TNS1: variants seen among roughly 807,000 people sequenced by gnomAD.
TNS1 encodes the protein tensin 1, also known as tensin-1.
In TNS1, 62 loss-of-function variants were observed where a neutral mutation model predicts 168.6. The ratio of observed to expected loss-of-function variants is 0.37; its 90% CI spans 0.30 to 0.45. TNS1 has a LOEUF of 0.45. Among genes scored for constraint, TNS1 ranks in the 20% least tolerant of loss-of-function variants. TNS1 has a pLI of 1.00. For missense variants in TNS1, 2,240 were observed against 2,339.4 expected (o/e 0.96, Z 0.88); for synonymous variants, 934 against 933.2 (o/e 1.00, Z -0.02).
At chr2:217,879,306 C>T (rs1459898111) in intron 18 of TNS1, 1 of 360,454 alleles carries the variant, frequency 2.8e-6, no homozygotes, top group Non-Finnish European at 5.5e-6. Flanking sequence ...TTCCAATTGC[C>T]AAATGTTCTT....
chr2:217,928,298 G>C (rs989589695), intron 3 of TNS1, among the ~76,000 whole-genome samples: 1 of 152,224 alleles, frequency 6.6e-6, no homozygotes, highest in Non-Finnish European at 1.5e-5. Context: ...CCCTCAGGAG[G>C]AGGGATCCTG....
Position 218,022,792 on chromosome 2 carries a change from TA to T in TNS1, c.156+11027del, listed in dbSNP as rs1407164088. On this transcript the variant is annotated intron_variant, in intron 1 of 1. Coordinates refer to the TNS1 transcript ENST00000649572. ...GGGGCAGCAGGCAAGGGTGGGGGGT[TA>T]GGGGTGGCAGAGATGGGGGATGGGA... 2.8e-3 allele frequency among the ~76,000 whole-genome samples: 180 copies of T among 64,796 alleles called. 1 individual carries two copies. Among genetic ancestry groups the T allele is most frequent in the African/African-American group, 0.011 (169 of 15,938 alleles). 42.5% of individuals were successfully genotyped at this position (64,796 alleles called of 152,430 possible). A position where few individuals can be genotyped will look rare whatever the true frequency, so the allele number is the denominator to read the frequency against.
chr2:218,031,251 TGA>T lies in TNS1; in HGVS notation c.156+2567_156+2568del, dbSNP rs1427329828. On this transcript the variant is annotated intron_variant, in intron 1 of 1. Coordinates refer to the TNS1 transcript ENST00000649572. Reference sequence around the variant, plus strand: ...GTGAGTGTGTGAGCATGTCTGTGTGTGAGTGTATGAGTGTGTTGTGTGTGAGC... The same window carrying T: ...GTGAGTGTGTGAGCATGTCTGTGTGTGTGTATGAGTGTGTTGTGTGTGAGC... 1.8e-4 allele frequency among the ~76,000 whole-genome samples: 23 copies of T among 128,200 alleles called. 1 individual carries two copies. Among genetic ancestry groups the T allele is most frequent in the African/African-American group, 2.5e-4 (6 of 24,174 alleles). The allele number at this position is 128,200 out of a possible 152,430, so 84.1% of individuals were successfully genotyped here. A position where few individuals can be genotyped will look rare whatever the true frequency, so the allele number is the denominator to read the frequency against.
At chr2:217,823,270 G>A (rs1943150769) in intron 22 of TNS1, among the ~76,000 whole-genome samples, 1 of 152,182 alleles carries the variant, frequency 6.6e-6, no homozygotes, top group Non-Finnish European at 1.5e-5. Context: ...TGGTGTGAGA[G>A]CTTACATAGA....
intron 2 of TNS1, among the ~76,000 whole-genome samples, chr2:217,981,829 C>T (rs948807763): frequency 6.6e-6 from 1 of 152,172 alleles, no homozygotes; most frequent in Non-Finnish European, 1.5e-5. Flanking sequence ...CAAGTTTGGG[C>T]CTGTCAATCT....
chr2:217,804,624 C>CG, intron 32 of TNS1, 21 bp from the exon 33 acceptor site: 1 of 1,613,502 alleles, frequency 6.2e-7, no homozygotes, highest in Non-Finnish European at 8.5e-7. Context: ...GAGAGGGCAA[C>CG]GGGCATGAGG....
At chr2:217,870,045 T>C (rs765664319) in intron 18 of TNS1, among the ~76,000 whole-genome samples, 1 of 152,232 alleles carries the variant, frequency 6.6e-6, no homozygotes, top group Non-Finnish European at 1.5e-5. Context: ...TCTCGTTCCT[T>C]TTACTTTCCA....
At chr2:217,850,651 A>C in intron 18 of TNS1, 1 of 965,226 alleles carries the variant, frequency 1.0e-6, no homozygotes, top group Non-Finnish European at 1.2e-6. Flanking sequence ...CCTTACTCTA[A>C]TCCAGGCTCT....
At chr2:217,961,065 C>G (rs149371038) in intron 3 of TNS1, among the ~76,000 whole-genome samples, 15 of 152,192 alleles carry the variant, frequency 9.9e-5, no homozygotes, top group Non-Finnish European at 1.3e-4. Flanking sequence ...GCTTCCATGT[C>G]TCCCTCCCAA....
intron 6 of TNS1, among the ~76,000 whole-genome samples, chr2:217,902,218 T>C (rs1393134530): frequency 2.0e-5 from 3 of 152,148 alleles, no homozygotes; most frequent in African/African-American, 7.2e-5. Flanking sequence ...TCCATTTCAC[T>C]GGTCCCTAAT....
At chr2:217,841,348 T>A (rs1260484908) in intron 19 of TNS1, 3 of 908,830 alleles carry the variant, frequency 3.3e-6, no homozygotes, top group Non-Finnish European at 3.9e-6. Context: ...AGGGAGGATA[T>A]GGGGCAAGGC....
intron 3 of TNS1, among the ~76,000 whole-genome samples, chr2:217,974,370 A>G (rs1957841586): frequency 6.6e-6 from 1 of 152,190 alleles, no homozygotes; most frequent in Non-Finnish European, 1.5e-5. Context: ...TTTTGCTGCT[A>G]CTTCTTTCCT....
intron 21 of TNS1, 25 bp from the exon 22 acceptor site, chr2:217,831,572 C>T: frequency 1.4e-6 from 2 of 1,453,844 alleles, no homozygotes; most frequent in Non-Finnish European, 1.8e-6. Context: ...AGAGGGGAGA[C>T]ACAGGGAGTG....
upstream of TNS1, among the ~76,000 whole-genome samples, chr2:218,006,934 C>T (rs1958663416): frequency 1.3e-5 from 2 of 152,140 alleles, no homozygotes; most frequent in Admixed American, 1.3e-4. Context: ...CACACTGCGT[C>T]AAGAAAGGTG....
chr2:217,931,050 G>C (rs888066095), intron 3 of TNS1, among the ~76,000 whole-genome samples: 1 of 152,208 alleles, frequency 6.6e-6, no homozygotes, highest in Non-Finnish European at 1.5e-5. Flanking sequence ...TGCCCACTGA[G>C]TGCCCCTCCA....
intron 3 of TNS1, among the ~76,000 whole-genome samples, chr2:217,961,594 A>G (rs1957498126): frequency 6.6e-6 from 1 of 152,210 alleles, no homozygotes; most frequent in South Asian, 2.1e-4. Flanking sequence ...AGGGATTTGC[A>G]CAAACCCTCA....
intron 18 of TNS1, among the ~76,000 whole-genome samples, chr2:217,856,660 G>A (rs1333965253): frequency 6.6e-6 from 1 of 152,110 alleles, no homozygotes; most frequent in African/African-American, 2.4e-5. Flanking sequence ...TTAGGTGCAC[G>A]TTGGGAACAC....
chr2:217,851,485 G>A (rs1052263626), intron 18 of TNS1, among the ~76,000 whole-genome samples: 2 of 150,974 alleles, frequency 1.3e-5, no homozygotes, highest in Admixed American at 1.3e-4. Flanking sequence ...CCCAGGGACT[G>A]GATGCCCTCC....
chr2:218,022,381 C>T (rs1958813271), intron 1 of TNS1, among the ~76,000 whole-genome samples: 1 of 152,188 alleles, frequency 6.6e-6, no homozygotes, highest in Admixed American at 6.5e-5. Context: ...CAGCCTTGGT[C>T]TGGGAGGCCC....
Sources: allele counts gnomAD v4.1 joint callset (sites outside exome capture counted in the v4.1 genomes callset), GRCh38; gene constraint gnomAD v4.1.1; transcripts MANE v1.5; gene names NCBI Gene and HGNC (gene_info 2026-07-23, HGNC 2026-07-21).